DAPP1: variants seen among roughly 807,000 people sequenced by gnomAD.
DAPP1 encodes the protein dual adaptor of phosphotyrosine and 3-phosphoinositides 1.
Under a neutral mutation model 41.5 loss-of-function variants are expected in DAPP1, and 20 were observed. The ratio of observed to expected loss-of-function variants is 0.48; its 90% confidence interval spans 0.34 to 0.70. The LOEUF (loss-of-function observed/expected upper bound fraction) is 0.70, where lower values mean the gene tolerates loss of function less well. Ranked by LOEUF, DAPP1 falls within the 30% of genes least tolerant of loss-of-function variation. The pLI is 0.01. For missense variants in DAPP1, 233 were observed against 333.4 expected (o/e 0.70, Z 2.35); for synonymous variants, 113 against 116.2 (o/e 0.97, Z 0.18).
intron 5 of DAPP1, 29 bp from the exon 6 acceptor site, chr4:99,862,981 G>C (rs1429508634): frequency 6.5e-7 from 1 of 1,534,378 alleles, no homozygotes; most frequent in Admixed American, 2.0e-5. Context: ...GTGTGTCTGT[G>C]TGTTTGTGTG....
intron 1 of DAPP1, among the ~76,000 whole-genome samples, chr4:99,821,036 C>T (rs1366720548): frequency 1.3e-5 from 2 of 152,046 alleles, no homozygotes; most frequent in African/African-American, 4.8e-5. Context: ...TTGTAGACAC[C>T]AGCTCTGGTC....
intron 3 of DAPP1, among the ~76,000 whole-genome samples, chr4:99,844,936 G>T (rs1378229777): frequency 6.6e-6 from 1 of 152,224 alleles, no homozygotes; most frequent in African/African-American, 2.4e-5. Context: ...AAAACAACTA[G>T]TGACAACTTA....
At chr4:99,871,123 T>C (rs1724618524), downstream of DAPP1, among the ~76,000 whole-genome samples, 1 of 152,170 alleles carries the variant, frequency 6.6e-6, no homozygotes, top group Non-Finnish European at 1.5e-5. Flanking sequence ...TCTCTCCTTA[T>C]TTCTCACAAG....
intron 1 of DAPP1, among the ~76,000 whole-genome samples, chr4:99,823,680 G>C (rs1404077324): frequency 6.6e-6 from 1 of 152,148 alleles, no homozygotes; most frequent in Non-Finnish European, 1.5e-5. Flanking sequence ...CTCACTGAAG[G>C]TTCATAGGAA....
intron 5 of DAPP1, 26 bp from the exon 6 acceptor site, chr4:99,862,984 T>C (rs773054878): frequency 6.4e-7 from 1 of 1,555,510 alleles, no homozygotes; most frequent in Non-Finnish European, 8.7e-7. Flanking sequence ...TGTCTGTGTG[T>C]TTGTGTGTGT....
At chr4:99,866,766 ATTT>A (rs11315402) in intron 8 of DAPP1, 37,153 of 365,210 alleles carry the variant, frequency 0.1, 333 homozygotes, top group East Asian at 0.21. Flanking sequence ...CTTTTTTTCT[ATTT>A]TTTTTTTTTT....
chr4:99,831,297 G>A (rs1231127121), intron 1 of DAPP1, among the ~76,000 whole-genome samples: 6 of 152,170 alleles, frequency 3.9e-5, no homozygotes, highest in Admixed American at 3.9e-4. Context: ...GTGGTGGGGT[G>A]TAATTGACAT....
chr4:99,861,266 T>C (rs1253996888), intron 4 of DAPP1, among the ~76,000 whole-genome samples: 1 of 152,238 alleles, frequency 6.6e-6, no homozygotes, highest in Non-Finnish European at 1.5e-5. Flanking sequence ...CTAATAACCC[T>C]GTAACAATCC....
Position 99,868,335 on chromosome 4 carries a change from A to T in DAPP1, c.*150A>T. ...AGATGCTGATTGGGACCCATATACC[A>T]CGTTGCTGACTCACGTTGCTGCCCT... On this transcript the variant is annotated 3_prime_UTR_variant, in exon 9 of 9. Transcript: ENST00000512369. 1.5e-6 allele frequency: 1 copy of T among 667,394 alleles called. No homozygotes were observed. The highest frequency in any genetic ancestry group is 1.8e-5 in the South Asian group (1 of 54,268). The allele number at this position is 667,394 out of a possible 1,614,324, so 41.3% of individuals were successfully genotyped here.
chr4:99,836,853 A>G (rs955594503), intron 2 of DAPP1, among the ~76,000 whole-genome samples: 1 of 152,368 alleles, frequency 6.6e-6, no homozygotes, highest in Admixed American at 6.5e-5. Flanking sequence ...CCAGGCTGAA[A>G]TAAAGGTGTT....
chr4:99,840,523 T>A (rs1723459696), intron 3 of DAPP1, 101 bp downstream of exon 3: 4 of 1,325,084 alleles, frequency 3.0e-6, no homozygotes, highest in Admixed American at 2.3e-5. Context: ...TCATTTATAT[T>A]TCAGCATTAT....
At chr4:99,838,291 T>G (rs771110801) in intron 2 of DAPP1, among the ~76,000 whole-genome samples, 2 of 152,164 alleles carry the variant, frequency 1.3e-5, no homozygotes, top group African/African-American at 2.4e-5. Context: ...GAATGCTTAT[T>G]AAAAAAATGA....
intron 1 of DAPP1, among the ~76,000 whole-genome samples, chr4:99,821,298 A>G (rs748873700): frequency 6.6e-6 from 1 of 152,204 alleles, no homozygotes; most frequent in African/African-American, 2.4e-5. Flanking sequence ...CATTTCATAG[A>G]CGCAAAAGGT....
chr4:99,843,760 T>C (rs573195624), intron 3 of DAPP1, among the ~76,000 whole-genome samples: 4 of 152,364 alleles, frequency 2.6e-5, no homozygotes, highest in East Asian at 1.9e-4. Context: ...AATACCTTTT[T>C]TTCCACACTA....
At chr4:99,856,650 A>G (rs1436224396) in intron 4 of DAPP1, among the ~76,000 whole-genome samples, 1 of 152,208 alleles carries the variant, frequency 6.6e-6, no homozygotes, top group Non-Finnish European at 1.5e-5. Flanking sequence ...GTCAAGAGCC[A>G]TGAAGAGTCT....
chr4:99,844,188 ACAGGGAAGCTAGAGCG>A (rs1394451008), intron 3 of DAPP1: 3 of 152,214 alleles, frequency 2.0e-5, no homozygotes, highest in Admixed American at 6.5e-5. Context: ...AAAGAGGGAA[ACAGGGAAGCTAGAGCG>A]CTTCCTGCCC....
intron 1 of DAPP1, among the ~76,000 whole-genome samples, chr4:99,826,861 CTCCCCT>C (rs1722953873): frequency 6.6e-6 from 1 of 152,240 alleles, no homozygotes; most frequent in Non-Finnish European, 1.5e-5. Flanking sequence ...CCACTGTGAG[CTCCCCT>C]TCCTATGCTA....
intron 1 of DAPP1, among the ~76,000 whole-genome samples, chr4:99,830,595 C>G (rs1723089357): frequency 6.6e-6 from 1 of 152,172 alleles, no homozygotes; most frequent in African/African-American, 2.4e-5. Context: ...CTTCATCACT[C>G]ACTTTGAATT....
chr4:99,857,086 A>G (rs144581829), intron 4 of DAPP1, among the ~76,000 whole-genome samples: 181 of 152,364 alleles, frequency 1.2e-3, no homozygotes, highest in African/African-American at 3.7e-3. Context: ...TTATTTCCCA[A>G]CAGTGATCAG....
Sources: allele counts gnomAD v4.1 joint callset (sites outside exome capture counted in the v4.1 genomes callset), GRCh38; gene constraint gnomAD v4.1.1; transcripts MANE v1.5; gene names NCBI Gene and HGNC (gene_info 2026-07-23, HGNC 2026-07-21).